MLXIP: variants seen among roughly 807,000 people sequenced by gnomAD.
MLXIP encodes MLX-interacting protein.
MLXIP carries 30 observed loss-of-function variants against 87.2 expected under a neutral mutation model. The observed-to-expected ratio is 0.34, with a 90% CI of 0.26 to 0.47. The LOEUF (loss-of-function observed/expected upper bound fraction) is 0.47. MLXIP is among the 20% of genes least tolerant of loss of function. The pLI is 1.00. For synonymous variants in MLXIP, 530 were observed against 514.0 expected (o/e 1.03, Z -0.42); for missense variants, 1,002 against 1,240.1 (o/e 0.81, Z 2.88).
At chr12:122,104,809 T>G (rs1443809355) in intron 1 of MLXIP, among the ~76,000 whole-genome samples, 2 of 152,094 alleles carry the variant, frequency 1.3e-5, no homozygotes. Context: ...CTTGATCTCC[T>G]GACCTTGTGA....
intron 6 of MLXIP, among the ~76,000 whole-genome samples, chr12:122,130,604 A>G (rs1952960930): frequency 6.6e-6 from 1 of 151,794 alleles, no homozygotes; most frequent in Admixed American, 6.6e-5. Flanking sequence ...TGAGCTCTTT[A>G]CAGCTTCCTG....
chr12:122,138,218 G>A lies in MLXIP; in HGVS notation c.2179G>A (p.Ala727Thr). ...GAACCGGCAGATGAAGCACATCTCAGCTGAGCAGAAAAGGCGCTTCAACAT... is the reference window on the plus strand; with the variant it reads ...GAACCGGCAGATGAAGCACATCTCAACTGAGCAGAAAAGGCGCTTCAACAT... ...LKNRQMKHIS[A>T]EQKRRFNIKM... Residue 727 changes from alanine (A) to threonine (T), a missense_variant, in exon 13 of 17, where the codon GCT becomes ACT. By Grantham distance (58) the Ala-to-Thr change is moderately conservative (BLOSUM62 0). Around this residue, in one of 3 missense-constraint regions of MLXIP, gnomAD observed 746 missense variants for 897.0 expected, o/e 0.83. Coordinates refer to ENST00000319080, the MANE Select transcript of MLXIP (RefSeq NM_014938.6). 1.2e-6 allele frequency: 2 copies of A among 1,608,900 alleles called. No individual in the cohort carries two copies. The highest frequency in any genetic ancestry group is 1.7e-6 in the Non-Finnish European group (2 of 1,177,768).
intron 1 of MLXIP, among the ~76,000 whole-genome samples, chr12:122,094,772 G>A (rs1952322276): frequency 6.9e-6 from 1 of 145,812 alleles, no homozygotes; most frequent in Admixed American, 6.8e-5. Flanking sequence ...CGGTGTCTGT[G>A]GTGTTGGTGT....
Position 122,135,438 on chromosome 12 carries a change from C to G in MLXIP, c.1855-51C>G. ...CTCACCTGAGACGACTGGTGTGCCGCCCTGCTGTATATCAGCAGTCAGGGG... is the reference window on the plus strand; with the variant it reads ...CTCACCTGAGACGACTGGTGTGCCGGCCTGCTGTATATCAGCAGTCAGGGG... On this transcript the variant is annotated intron_variant, in intron 10 of 16. Coordinates refer to ENST00000319080, the MANE Select transcript of MLXIP (RefSeq NM_014938.6). The surrounding 1 kb of genome is among the most constrained non-coding windows in gnomAD (Gnocchi z 5.3). The G allele has an allele frequency of 6.2e-7, 1 of 1,606,590 alleles. No homozygotes were observed. The highest frequency in any genetic ancestry group is 8.5e-7 in the Non-Finnish European group (1 of 1,176,560).
At chr12:122,120,202 T>G (rs1393993895) in intron 1 of MLXIP, among the ~76,000 whole-genome samples, 2 of 151,340 alleles carry the variant, frequency 1.3e-5, no homozygotes, top group Non-Finnish European at 2.9e-5. Context: ...CTTCCCTTCC[T>G]TCCCCTTCTC....
In MLXIP at chr12:122,138,620, T is replaced by TGG. The variant is rs148178220; in HGVS notation, c.2384+71_2384+72dup. 6,945 of 1,546,134 alleles carry TGG rather than the reference T, an allele frequency of 4.5e-3. 74 individuals carry two copies. The highest frequency in any genetic ancestry group is 0.028 in the Admixed American group (1,424 of 51,042). On this transcript the variant is annotated intron_variant, in intron 14 of 16. Coordinates refer to ENST00000319080, the MANE Select transcript of MLXIP (RefSeq NM_014938.6). ...GATGCAGGGCCTGCCTCAGAGGTGG[T>TGG]GGGACCCTGTGGCCTCATCACTGGT... is the stretch of plus-strand genomic sequence containing the variant.
intron 1 of MLXIP, among the ~76,000 whole-genome samples, chr12:122,120,221 CTCTTT>C (rs1256733258): frequency 6.7e-6 from 1 of 149,718 alleles, no homozygotes; most frequent in Non-Finnish European, 1.5e-5. Context: ...TCTTTCTTTT[CTCTTT>C]TCTTTTCTTC....
chr12:122,088,140 G>A (rs1469051197), intron 1 of MLXIP, among the ~76,000 whole-genome samples: 1 of 152,134 alleles, frequency 6.6e-6, no homozygotes, highest in African/African-American at 2.4e-5. Flanking sequence ...CGCCTACTTT[G>A]CCCTACCCAG....
At position 122,141,738 on chromosome 12, in the gene MLXIP, A is replaced by G; in HGVS notation, c.2686A>G (p.Thr896Ala). 6.2e-7 allele frequency: 1 copy of G among 1,613,822 alleles called. No individual in the cohort carries two copies. The highest frequency in any genetic ancestry group is 8.5e-7 in the Non-Finnish European group (1 of 1,179,874). ...RQLSTSTSILTDPAQLPEQAS... is the reference protein window; with the variant it reads ...RQLSTSTSILADPAQLPEQAS... ...GCTGAGCACCTCCACCTCCATCCTC[A>G]CAGACCCGGCACAGCTGCCAGAGCA... Residue 896 changes from threonine to alanine, a missense_variant, in exon 17 of 17, where the codon ACA becomes GCA. Physicochemically the swap from Thr to Ala is moderately conservative, Grantham distance 58. Coordinates refer to ENST00000319080, the MANE Select transcript of MLXIP (RefSeq NM_014938.6).
rs1953193910 is a variant in MLXIP, at chr12:122,141,089, T to TG, written c.2638+10dup. On this transcript the variant is annotated splice_region_variant and intron_variant, in intron 16 of 16. Coordinates refer to ENST00000319080, the MANE Select transcript of MLXIP (RefSeq NM_014938.6). ...CCTGCCCATCCTCAGGCCGAGTGAG[T>TG]GGGGCAGTGCCAGGGTGGGGGGCTT... 2 of 1,606,144 alleles carry TG rather than the reference T, an allele frequency of 1.2e-6. No individual in the cohort carries two copies. Among genetic ancestry groups the TG allele is most frequent in the Non-Finnish European group, 1.7e-6 (2 of 1,177,472 alleles).
intron 1 of MLXIP, among the ~76,000 whole-genome samples, chr12:122,096,893 G>A (rs1228477538): frequency 3.9e-5 from 6 of 152,340 alleles, no homozygotes; most frequent in Admixed American, 2.6e-4. Flanking sequence ...GAGCTCTCAC[G>A]TGGAACTGGA....
intron 1 of MLXIP, among the ~76,000 whole-genome samples, chr12:122,101,321 T>C (rs570036484): frequency 1.3e-5 from 2 of 151,954 alleles, no homozygotes; most frequent in Non-Finnish European, 2.9e-5. Context: ...CCCTGTTGTT[T>C]TGTCACTTTG....
intron 14 of MLXIP, 100 bp downstream of exon 14, chr12:122,138,651 C>T (rs1387991949): frequency 4.1e-5 from 62 of 1,505,400 alleles, no homozygotes; most frequent in Non-Finnish European, 5.5e-5. Context: ...CTGGTCAGTG[C>T]CTCTTTGCTG....
intron 1 of MLXIP, among the ~76,000 whole-genome samples, chr12:122,084,673 A>G (rs1191366699): frequency 6.6e-6 from 1 of 152,086 alleles, no homozygotes; most frequent in African/African-American, 2.4e-5. Flanking sequence ...CAGCTTTCCA[A>G]GTAGCTGGGA....
At chr12:122,089,624 A>AT (rs949221176) in intron 1 of MLXIP, among the ~76,000 whole-genome samples, 23 of 148,060 alleles carry the variant, frequency 1.6e-4, no homozygotes, top group South Asian at 4.3e-4. Context: ...AGGTTCAGTG[A>AT]TTTTTTTTTT....
At position 122,078,941 on chromosome 12, in the gene MLXIP, G is replaced by T. The variant is rs1952050682; in HGVS notation, c.88G>T (p.Asp30Tyr). 2 of 1,121,730 alleles carry T rather than the reference G, an allele frequency of 1.8e-6. No individual in the cohort carries two copies. The highest frequency in any genetic ancestry group is 4.4e-5 in the Admixed American group (1 of 22,496). 69.5% of individuals were successfully genotyped at this position (1,121,730 alleles called of 1,614,324 possible). Residue 30 changes from aspartate (D) to tyrosine (Y), a missense_variant, in exon 1 of 17, where the codon GAC becomes TAC. Around this residue, in one of 3 missense-constraint regions of MLXIP, gnomAD observed 129 missense variants for 104.2 expected, o/e 1.24. Coordinates refer to ENST00000319080, the MANE Select transcript of MLXIP (RefSeq NM_014938.6). Reference protein sequence around the residue: ...VLLKPQVSEDDDDSDTDEPSP... With the variant: ...VLLKPQVSEDYDDSDTDEPSP... The stretch of plus-strand genomic sequence containing the variant: ...GCTCAAGCCCCAGGTGTCCGAGGAC[G>T]ACGACGACTCGGACACGGATGAGCC...
rs186906160 is a variant in MLXIP, at chr12:122,112,527, G to A, written c.414-14729G>A. Among the ~76,000 whole-genome samples, 314 of 152,080 alleles carry A rather than the reference G, an allele frequency of 2.1e-3. 8 individuals carry two copies. The highest frequency in any genetic ancestry group is 0.014 in the East Asian group (70 of 5,158). On this transcript the variant is annotated intron_variant, in intron 1 of 16. Transcript: ENST00000319080. ...GACGTGGTGGTGGCGGGCGCCTGTA[G>A]TCCCAGCTACTCAGGAGGCTGAGGC...
intron 1 of MLXIP, among the ~76,000 whole-genome samples, chr12:122,126,706 G>T (rs1375499357): frequency 1.3e-5 from 2 of 152,136 alleles, no homozygotes; most frequent in Non-Finnish European, 2.9e-5. Context: ...AAATTTGTAG[G>T]ATATGCCAAA....
At chr12:122,112,338 C>A (rs1593085434) in intron 1 of MLXIP, among the ~76,000 whole-genome samples, 1 of 152,124 alleles carries the variant, frequency 6.6e-6, no homozygotes, top group East Asian at 1.9e-4. Context: ...AAAGTGAAAT[C>A]ATTAAAAATG....
Sources: gnomAD v4.1 joint callset for allele counts (sites outside exome capture counted in the v4.1 genomes callset) on GRCh38, gnomAD v4.1.1 for gene constraint, gnomAD v4.1.1 regional missense constraint, Gnocchi (gnomAD v3.1) non-coding constraint, MANE v1.5 for transcripts, NCBI Gene and HGNC (gene_info 2026-07-23, HGNC 2026-07-21) for gene names.